Variants in TAFA4 observed in about 807,000 individuals in gnomAD.
TAFA4 encodes TAFA chemokine like family member 4.
A neutral mutation model predicts 21.1 loss-of-function variants in TAFA4; 20 were observed. That is an observed-to-expected ratio of 0.95 (90% CI 0.67 to 1.38). TAFA4 has a LOEUF of 1.38. Among genes scored for constraint, TAFA4 ranks in the 40% most tolerant of loss-of-function variants. TAFA4 has a pLI of 0.00. For synonymous variants in TAFA4, 71 were observed against 67.4 expected (o/e 1.05, Z -0.26); for missense variants, 211 against 180.9 (o/e 1.17, Z -0.95).
chr3:68,874,424 G>A (rs2089523018), intron 3 of TAFA4, among the ~76,000 whole-genome samples: 1 of 152,052 alleles, frequency 6.6e-6, no homozygotes, highest in Admixed American at 6.6e-5. Context: ...TACCCCTGCT[G>A]TTTCTTTTTA....
At chr3:68,929,313 A>T (rs1160769817) in intron 1 of TAFA4, among the ~76,000 whole-genome samples, 1 of 152,228 alleles carries the variant, frequency 6.6e-6, no homozygotes, top group Non-Finnish European at 1.5e-5. Context: ...TGTGGCCAAG[A>T]TCGCTTCACC....
intron 3 of TAFA4, among the ~76,000 whole-genome samples, chr3:68,879,635 A>G (rs929614289): frequency 1.3e-5 from 2 of 152,172 alleles, no homozygotes; most frequent in Non-Finnish European, 1.5e-5. Flanking sequence ...AACTTCAATC[A>G]TTATTTTTCT....
chr3:68,820,303 A>T (rs775029054), intron 3 of TAFA4, among the ~76,000 whole-genome samples: 8 of 152,332 alleles, frequency 5.3e-5, no homozygotes, highest in Non-Finnish European at 8.8e-5. Flanking sequence ...TTGTCAAATG[A>T]CATAAAATTT....
At chr3:68,882,612 C>T (rs576596679) in intron 2 of TAFA4, among the ~76,000 whole-genome samples, 48 of 152,302 alleles carry the variant, frequency 3.2e-4, no homozygotes, top group African/African-American at 9.6e-4. Flanking sequence ...AGATTGATAG[C>T]TGATATTGGG....
At chr3:68,816,904 A>G (rs1219468315) in intron 3 of TAFA4, among the ~76,000 whole-genome samples, 1 of 152,234 alleles carries the variant, frequency 6.6e-6, no homozygotes, top group African/African-American at 2.4e-5. Flanking sequence ...AGCCTTCAAT[A>G]TGTCATAATC....
At chr3:68,749,531 A>G (rs1260382390) in intron 4 of TAFA4, among the ~76,000 whole-genome samples, 1 of 152,242 alleles carries the variant, frequency 6.6e-6, no homozygotes, top group Non-Finnish European at 1.5e-5. Context: ...AGGTAAAGCT[A>G]AAAAGCCCTA....
chr3:68,922,792 T>C (rs1429679398), intron 1 of TAFA4, among the ~76,000 whole-genome samples: 1 of 152,246 alleles, frequency 6.6e-6, no homozygotes, highest in East Asian at 1.9e-4. Flanking sequence ...TCCTGATTAA[T>C]ACTTCATAGG....
At chr3:68,808,942 A>G (rs1703767933) in intron 3 of TAFA4, among the ~76,000 whole-genome samples, 1 of 152,194 alleles carries the variant, frequency 6.6e-6, no homozygotes, top group South Asian at 2.1e-4. Context: ...GTAGGAAAAG[A>G]ACATAGAAAC....
intron 3 of TAFA4, among the ~76,000 whole-genome samples, chr3:68,876,488 C>T (rs1336636280): frequency 6.6e-6 from 1 of 152,100 alleles, no homozygotes; most frequent in Non-Finnish European, 1.5e-5. Context: ...ATGTTATATT[C>T]CCCACTCAGT....
chr3:68,928,164 TAA>T (rs1040810270), intron 1 of TAFA4, among the ~76,000 whole-genome samples: 1 of 152,166 alleles, frequency 6.6e-6, no homozygotes, highest in African/African-American at 2.4e-5. Flanking sequence ...AAAGAATGAC[TAA>T]AAAAGATTCA....
intron 1 of TAFA4, among the ~76,000 whole-genome samples, chr3:68,893,401 T>C (rs2089753061): frequency 6.6e-6 from 1 of 152,206 alleles, no homozygotes; most frequent in Non-Finnish European, 1.5e-5. Flanking sequence ...TTATTTCTCT[T>C]CTACCCCAGC....
chr3:68,792,729 A>T (rs1306514945), intron 3 of TAFA4, among the ~76,000 whole-genome samples: 2 of 152,180 alleles, frequency 1.3e-5, no homozygotes, highest in East Asian at 3.9e-4. Flanking sequence ...ATTATTGTTC[A>T]TGCAGCAATA....
chr3:68,903,959 C>A (rs1478369886), intron 1 of TAFA4, among the ~76,000 whole-genome samples: 2 of 151,842 alleles, frequency 1.3e-5, no homozygotes, highest in African/African-American at 2.4e-5. Context: ...ATTAATCCTT[C>A]CAGAAGTTGG....
intron 3 of TAFA4, among the ~76,000 whole-genome samples, chr3:68,772,862 A>G (rs1016668924): frequency 7.2e-5 from 11 of 152,066 alleles, no homozygotes; most frequent in African/African-American, 2.4e-4. Flanking sequence ...CAATCCATCC[A>G]TCCATCCATC....
intron 3 of TAFA4, among the ~76,000 whole-genome samples, chr3:68,855,547 T>G (rs548299370): frequency 6.6e-6 from 1 of 152,038 alleles, no homozygotes; most frequent in Non-Finnish European, 1.5e-5. Flanking sequence ...CTGAAAAGAA[T>G]GAAACTGATA....
At position 68,733,054 on chromosome 3, in the gene TAFA4, T is replaced by C. The variant is rs1702177526; in HGVS notation, c.*88A>G. 6.3e-7 allele frequency: 1 copy of C among 1,575,530 alleles called. No homozygotes were observed. Among genetic ancestry groups the C allele is most frequent in the South Asian group, 1.1e-5 (1 of 88,648 alleles). Reference sequence around the variant, plus strand: ...TGAAGTTGCTGAAATCCTAGACAATTTTCTGCAAAGGGGCCATGATGGGAA... The same window carrying C: ...TGAAGTTGCTGAAATCCTAGACAATCTTCTGCAAAGGGGCCATGATGGGAA... On this transcript the variant is annotated 3_prime_UTR_variant, in exon 6 of 6. Transcript: ENST00000295569.
intron 1 of TAFA4, among the ~76,000 whole-genome samples, chr3:68,928,548 G>A (rs1018174167): frequency 9.9e-5 from 15 of 152,142 alleles, no homozygotes; most frequent in African/African-American, 3.1e-4. Flanking sequence ...GCGTCACCCT[G>A]CCCAATACTC....
intron 3 of TAFA4, among the ~76,000 whole-genome samples, chr3:68,783,664 AC>A (rs1703188793): frequency 1.5e-5 from 1 of 66,776 alleles, no homozygotes; most frequent in Admixed American, 1.5e-4. Context: ...AATCACAGAC[AC>A]ACACACACAG....
At chr3:68,870,253 T>C (rs574634332) in intron 3 of TAFA4, among the ~76,000 whole-genome samples, 3 of 152,190 alleles carry the variant, frequency 2.0e-5, no homozygotes, top group African/African-American at 4.8e-5. Context: ...AGAATTAATA[T>C]TGTTAAAATG....
Sources: gnomAD v4.1 joint callset for allele counts (sites outside exome capture counted in the v4.1 genomes callset) on GRCh38, gnomAD v4.1.1 for gene constraint, MANE v1.5 for transcripts, NCBI Gene and HGNC (gene_info 2026-07-23, HGNC 2026-07-21) for gene names.